Variants in MAF observed in about 807,000 individuals in gnomAD.
MAF encodes the protein transcription factor Maf.
A neutral mutation model predicts 22.0 loss-of-function variants in MAF; 10 were observed. The observed-to-expected ratio is 0.45, with a 90% CI of 0.28 to 0.77. MAF has a LOEUF of 0.77. Ranked by LOEUF, MAF falls within the 30% of genes least tolerant of loss-of-function variation. MAF has a pLI of 0.12. For missense variants in MAF, 544 were observed against 548.4 expected, an observed-to-expected ratio of 0.99 and a Z score of 0.08; for synonymous variants, 337 against 255.8, an observed-to-expected ratio of 1.32 and a Z score of -3.03.
the MAF span, among the ~76,000 whole-genome samples, chr16:79,483,709 C>T: frequency 6.6e-6 from 1 of 152,102 alleles, no homozygotes; most frequent in Non-Finnish European, 1.5e-5. Context: ...TCATGTAGCT[C>T]ACAGGGCTGT....
the MAF span, among the ~76,000 whole-genome samples, chr16:79,486,559 G>A: frequency 1.2e-4 from 18 of 152,246 alleles, no homozygotes; most frequent in Admixed American, 5.9e-4. Flanking sequence ...AGATTCTCCC[G>A]CATAAGAAGG....
chr16:79,310,131 C>T, the MAF span, among the ~76,000 whole-genome samples: 2 of 152,236 alleles, frequency 1.3e-5, no homozygotes, highest in South Asian at 4.1e-4. Context: ...TTTAATGGAA[C>T]TGGGCAATAT....
chr16:79,338,832 C>T, the MAF span, among the ~76,000 whole-genome samples: 1 of 152,164 alleles, frequency 6.6e-6, no homozygotes, highest in Non-Finnish European at 1.5e-5. Flanking sequence ...ATCCTAATTT[C>T]TCAAAGGGTT....
the MAF span, among the ~76,000 whole-genome samples, chr16:79,490,782 T>C: frequency 6.6e-6 from 1 of 152,130 alleles, no homozygotes; most frequent in Admixed American, 6.5e-5. Flanking sequence ...ACAGTGACCA[T>C]AATGCAGTGA....
the MAF span, among the ~76,000 whole-genome samples, chr16:79,536,060 A>G: frequency 6.6e-6 from 1 of 152,242 alleles, no homozygotes; most frequent in African/African-American, 2.4e-5. Context: ...ATAGGTGCTC[A>G]GTAAATACTT....
At chr16:79,413,893 C>G in the MAF span, among the ~76,000 whole-genome samples, 4 of 152,134 alleles carry the variant, frequency 2.6e-5, no homozygotes, top group Non-Finnish European at 4.4e-5. Flanking sequence ...GGCCACATTC[C>G]CAAATCCAGT....
the MAF span, among the ~76,000 whole-genome samples, chr16:79,561,955 G>T: frequency 6.6e-6 from 1 of 152,166 alleles, no homozygotes; most frequent in East Asian, 1.9e-4. Context: ...AGACACAACA[G>T]TATCTCTGGT....
chr16:79,558,787 T>A, the MAF span, among the ~76,000 whole-genome samples: 1 of 152,176 alleles, frequency 6.6e-6, no homozygotes, highest in African/African-American at 2.4e-5. Context: ...ACAAAACAAT[T>A]TTCCCTGTGG....
chr16:79,423,454 G>A, the MAF span, among the ~76,000 whole-genome samples: 3 of 152,128 alleles, frequency 2.0e-5, no homozygotes, highest in African/African-American at 7.2e-5. Flanking sequence ...GATGACTTGT[G>A]TGTTCCATCC....
the MAF span, among the ~76,000 whole-genome samples, chr16:79,366,474 A>G: frequency 6.6e-6 from 1 of 152,234 alleles, no homozygotes; most frequent in Non-Finnish European, 1.5e-5. Flanking sequence ...AATTAGAATA[A>G]GAACCTACAG....
the MAF span, among the ~76,000 whole-genome samples, chr16:79,477,410 G>A: frequency 6.6e-6 from 1 of 152,124 alleles, no homozygotes; most frequent in Non-Finnish European, 1.5e-5. Flanking sequence ...AAGAAGGCCA[G>A]CCTCCACGAG....
chr16:79,372,680 G>A, the MAF span, among the ~76,000 whole-genome samples: 1 of 152,130 alleles, frequency 6.6e-6, no homozygotes, highest in South Asian at 2.1e-4. Flanking sequence ...CACAGTTATT[G>A]AGAAATTTCA....
At chr16:79,461,851 G>T in the MAF span, among the ~76,000 whole-genome samples, 1 of 152,108 alleles carries the variant, frequency 6.6e-6, no homozygotes, top group Non-Finnish European at 1.5e-5. Context: ...TTCATGAACT[G>T]GGTGACCTAT....
At chr16:79,460,267 G>T in the MAF span, among the ~76,000 whole-genome samples, 1 of 152,126 alleles carries the variant, frequency 6.6e-6, no homozygotes, top group East Asian at 1.9e-4. Flanking sequence ...TGGGCATTAT[G>T]CTTAGAAAGA....
the MAF span, among the ~76,000 whole-genome samples, chr16:79,312,800 T>G: frequency 6.6e-6 from 1 of 152,208 alleles, no homozygotes; most frequent in Non-Finnish European, 1.5e-5. Flanking sequence ...ATAAGGGTAT[T>G]TGATGACTCA....
intron 1 of MAF, chr16:79,596,676 T>C: frequency 1.9e-6 from 2 of 1,036,890 alleles, no homozygotes; most frequent in African/African-American, 1.7e-5. Flanking sequence ...AAGATTTACT[T>C]TTCATTTCTT....
At chr16:79,253,041 AATGAG>A in the MAF span, among the ~76,000 whole-genome samples, 1 of 152,238 alleles carries the variant, frequency 6.6e-6, no homozygotes, top group Non-Finnish European at 1.5e-5. Context: ...GTGCAGATTA[AATGAG>A]ATAAGACAGT....
downstream of MAF, chr16:79,585,773 G>C (rs370497234): frequency 7.8e-4 from 450 of 574,430 alleles, 4 homozygotes; most frequent in African/African-American, 6.8e-3. Context: ...TAAAAAGTTA[G>C]CAGCATTCCT....
chr16:79,281,171 T>A, the MAF span, among the ~76,000 whole-genome samples: 1 of 150,748 alleles, frequency 6.6e-6, no homozygotes, highest in African/African-American at 2.4e-5. Flanking sequence ...ACGGAAGATG[T>A]GCACATACCT....
Sources: gnomAD v4.1 joint callset for allele counts (sites outside exome capture counted in the v4.1 genomes callset) on GRCh38, gnomAD v4.1.1 for gene constraint, MANE v1.5 for transcripts, NCBI Gene and HGNC (gene_info 2026-07-23, HGNC 2026-07-21) for gene names.